The following APBA1 variants were observed in gnomAD, a reference collection of about 807,000 sequenced individuals.
APBA1 encodes the protein amyloid-beta A4 precursor protein-binding family A member 1.
A neutral mutation model predicts 86.6 loss-of-function variants in APBA1; 55 were observed. The observed-to-expected ratio is 0.64, with a 90% CI of 0.51 to 0.80. The LOEUF is 0.80. APBA1 is among the 30% of genes least tolerant of loss of function. The pLI, the probability that APBA1 is intolerant of heterozygous loss-of-function variation, is 0.00. For missense variants in APBA1, 1,090 were observed against 1,183.0 expected, an observed-to-expected ratio of 0.92 and a Z score of 1.15; for synonymous variants, 511 against 493.9, an observed-to-expected ratio of 1.03 and a Z score of -0.46.
intron 1 of APBA1, among the ~76,000 whole-genome samples, chr9:69,667,745 A>G (rs1823869079): frequency 6.6e-6 from 1 of 151,556 alleles, no homozygotes; most frequent in African/African-American, 2.4e-5. Context: ...GTGATATATC[A>G]TACTCTCTCT....
chr9:69,666,270 G>T (rs1426508455), intron 1 of APBA1, among the ~76,000 whole-genome samples: 1 of 152,090 alleles, frequency 6.6e-6, no homozygotes, highest in Admixed American at 6.5e-5. Context: ...TTTCATTTTT[G>T]ATATCCTCTC....
intron 4 of APBA1, among the ~76,000 whole-genome samples, chr9:69,469,692 T>C (rs1739943460): frequency 6.6e-6 from 1 of 152,214 alleles, no homozygotes; most frequent in African/African-American, 2.4e-5. Flanking sequence ...ACAGTTTCAG[T>C]TGTATAGCAG....
chr9:69,520,612 T>C (rs1836236704), intron 1 of APBA1, among the ~76,000 whole-genome samples: 2 of 151,872 alleles, frequency 1.3e-5, no homozygotes, highest in Non-Finnish European at 2.9e-5. Flanking sequence ...CCACCTGGAG[T>C]TCCCATAACA....
chr9:69,433,808 CTTTT>C (rs35255395), intron 11 of APBA1, among the ~76,000 whole-genome samples: 7 of 128,450 alleles, frequency 5.4e-5, no homozygotes, highest in South Asian at 2.6e-4. Flanking sequence ...TTACCTAGGA[CTTTT>C]TTTTTTTTTT....
In APBA1 at chr9:69,498,540, G is replaced by A. The variant is rs1037915108; in HGVS notation, c.1200+17471C>T. ...AAAGGCTTAAGAGCAGAGGAGGCTT[G>A]AAGGTCTCGCTTGGGGCTTGACAAA... On this transcript the variant is annotated intron_variant, in intron 2 of 12. Coordinates refer to ENST00000265381, the MANE Select transcript of APBA1 (RefSeq NM_001163.4). 4.6e-5 allele frequency among the ~76,000 whole-genome samples: 7 copies of A among 152,274 alleles called. No individual in the cohort carries two copies. In the East Asian group the frequency reaches 5.8e-4, roughly 13 times the overall value.
chr9:69,652,585 A>T (rs1330076254), intron 1 of APBA1, among the ~76,000 whole-genome samples: 1 of 152,246 alleles, frequency 6.6e-6, no homozygotes, highest in African/African-American at 2.4e-5. Flanking sequence ...AAACAACCAG[A>T]AAATAAGTAA....
At chr9:69,668,996 T>C (rs1823893622) in intron 1 of APBA1, among the ~76,000 whole-genome samples, 1 of 152,236 alleles carries the variant, frequency 6.6e-6, no homozygotes. Flanking sequence ...ATTTTTACAG[T>C]TAGTAACATA....
At chr9:69,583,510 CT>C (rs1348936704) in intron 1 of APBA1, among the ~76,000 whole-genome samples, 1 of 152,178 alleles carries the variant, frequency 6.6e-6, no homozygotes, top group Non-Finnish European at 1.5e-5. Context: ...CAATCAGACA[CT>C]GTTCTTAAGA....
At chr9:69,571,876 C>G (rs1385135850) in intron 1 of APBA1, among the ~76,000 whole-genome samples, 1 of 152,168 alleles carries the variant, frequency 6.6e-6, no homozygotes, top group Non-Finnish European at 1.5e-5. Flanking sequence ...GAAAACGAGG[C>G]TGTCATTGAT....
intron 11 of APBA1, among the ~76,000 whole-genome samples, chr9:69,435,755 G>A (rs920289209): frequency 6.6e-6 from 1 of 152,204 alleles, no homozygotes; most frequent in Non-Finnish European, 1.5e-5. Context: ...TGTTCACTCC[G>A]ATGGTAGTTT....
At chr9:69,450,534 A>G (rs1434086345) in intron 9 of APBA1, among the ~76,000 whole-genome samples, 2 of 152,168 alleles carry the variant, frequency 1.3e-5, no homozygotes, top group African/African-American at 4.8e-5. Flanking sequence ...TCCCCTTCAC[A>G]GGTTGGTGTC....
intron 10 of APBA1, among the ~76,000 whole-genome samples, chr9:69,444,241 G>A (rs557218681): frequency 6.6e-6 from 1 of 152,294 alleles, no homozygotes; most frequent in Non-Finnish European, 1.5e-5. Context: ...AACTGCTCTG[G>A]TTAAGGAAAT....
intron 10 of APBA1, among the ~76,000 whole-genome samples, chr9:69,443,801 C>T (rs541985261): frequency 1.1e-4 from 17 of 152,312 alleles, no homozygotes; most frequent in Admixed American, 1.0e-3. Context: ...AGTATTTCTA[C>T]ACCATAATGC....
chr9:69,629,400 T>G (rs1345324946), intron 1 of APBA1, among the ~76,000 whole-genome samples: 1 of 152,228 alleles, frequency 6.6e-6, no homozygotes, highest in Non-Finnish European at 1.5e-5. Flanking sequence ...TTAACCTCAT[T>G]TCTGAGCAAT....
intron 11 of APBA1, among the ~76,000 whole-genome samples, chr9:69,436,979 A>G (rs1389110751): frequency 1.3e-5 from 2 of 152,134 alleles, no homozygotes; most frequent in Non-Finnish European, 2.9e-5. Context: ...AGAGTTTTTT[A>G]GCATGAAGCG....
Position 69,429,426 on chromosome 9 carries a change from C to T in APBA1, c.*1901G>A, listed in dbSNP as rs117964671. On this transcript the variant is annotated 3_prime_UTR_variant, in exon 13 of 13. Coordinates refer to ENST00000265381, the MANE Select transcript of APBA1 (RefSeq NM_001163.4). ...AGTCCTGGGGAGCTTTACGGACCATCCCAGAGCCCCTGGCCCCACCGGGTG... is the reference window on the plus strand; with the variant it reads ...AGTCCTGGGGAGCTTTACGGACCATTCCAGAGCCCCTGGCCCCACCGGGTG... 6.6e-6 allele frequency: 1 copy of T among 152,190 alleles called. No individual in the cohort carries two copies. The highest frequency in any genetic ancestry group is 1.5e-5 in the Non-Finnish European group (1 of 68,036). 9.4% of individuals were successfully genotyped at this position (152,190 alleles called of 1,614,324 possible). A position where few individuals can be genotyped will look rare whatever the true frequency, so the allele number is the denominator to read the frequency against.
chr9:69,491,976 G>C (rs2133861714), intron 2 of APBA1, among the ~76,000 whole-genome samples: 1 of 151,994 alleles, frequency 6.6e-6, no homozygotes, highest in South Asian at 2.1e-4. Context: ...TGTTGGCCAG[G>C]ATGGTCTCGA....
rs1035147079 is a variant in APBA1, at chr9:69,571,659, A to C, written c.-69-54380T>G. ...ACAAATATTTATCATTAGACAATGGAAAAAGTTCTAAATATCATATTAAAT... is the reference window on the plus strand; with the variant it reads ...ACAAATATTTATCATTAGACAATGGCAAAAGTTCTAAATATCATATTAAAT... On this transcript the variant is annotated intron_variant, in intron 1 of 12. Transcript: ENST00000265381. 5.3e-5 allele frequency among the ~76,000 whole-genome samples: 8 copies of C among 152,344 alleles called. No individual in the cohort carries two copies. The East Asian group carries it at 1.5e-3, about 29-fold the overall frequency.
At chr9:69,474,513 T>C (rs773496678) in intron 3 of APBA1, among the ~76,000 whole-genome samples, 1 of 152,266 alleles carries the variant, frequency 6.6e-6, no homozygotes, top group Non-Finnish European at 1.5e-5. Flanking sequence ...TGCTCATGAC[T>C]GTTATCATCA....
Sources: gnomAD v4.1 joint callset for allele counts (sites outside exome capture counted in the v4.1 genomes callset) on GRCh38, gnomAD v4.1.1 for gene constraint, MANE v1.5 for transcripts, NCBI Gene and HGNC (gene_info 2026-07-23, HGNC 2026-07-21) for gene names.